The following CEP350 variants were observed in gnomAD, a reference collection of about 807,000 sequenced individuals.
CEP350 encodes centrosome-associated protein 350.
CEP350 carries 126 observed loss-of-function variants against 331.8 expected under a neutral mutation model. The ratio of observed to expected loss-of-function variants is 0.38; its 90% CI spans 0.33 to 0.44. The LOEUF (loss-of-function observed/expected upper bound fraction) is 0.44. CEP350 is among the 20% of genes least tolerant of loss of function. The probability of loss-of-function intolerance (pLI) is 1.00; values close to 1 mark genes in which losing one functional copy is unlikely to be tolerated. For missense variants in CEP350, 3,406 were observed against 3,634.6 expected, an observed-to-expected ratio of 0.94 and a Z score of 1.62; for synonymous variants, 1,200 against 1,259.5, an observed-to-expected ratio of 0.95 and a Z score of 1.00.
chr1:180,030,194 GTTTAAC>G (rs910209741), intron 14 of CEP350, among the ~76,000 whole-genome samples: 7 of 143,444 alleles, frequency 4.9e-5, no homozygotes, highest in African/African-American at 1.3e-4. Flanking sequence ...TATCTTTAAA[GTTTAAC>G]TTTAAATTTT....
At chr1:179,971,513 A>T (rs1370019824) in intron 1 of CEP350, among the ~76,000 whole-genome samples, 1 of 152,030 alleles carries the variant, frequency 6.6e-6, no homozygotes, top group Non-Finnish European at 1.5e-5. Flanking sequence ...TTTTGTGGAC[A>T]CTGGGTCTCA....
intron 17 of CEP350, among the ~76,000 whole-genome samples, chr1:180,039,014 C>A (rs984506565): frequency 6.7e-6 from 1 of 149,970 alleles, no homozygotes; most frequent in Non-Finnish European, 1.5e-5. Flanking sequence ...TTAGGAGTTC[C>A]AAGACCAGCT....
At chr1:180,059,391 T>G (rs548310320) in intron 25 of CEP350, among the ~76,000 whole-genome samples, 1 of 152,372 alleles carries the variant, frequency 6.6e-6, no homozygotes, top group South Asian at 2.1e-4. Flanking sequence ...ACTGTATTGG[T>G]AATTTTCTTA....
chr1:179,977,442 A>G (rs1015770298), intron 1 of CEP350, among the ~76,000 whole-genome samples: 5 of 152,168 alleles, frequency 3.3e-5, no homozygotes, highest in Non-Finnish European at 5.9e-5. Context: ...GGATGAGGGG[A>G]GAGAGATGAG....
At position 180,095,603 on chromosome 1, in the gene CEP350, G is replaced by C. The variant is rs573870576; in HGVS notation, c.8592G>C (p.Leu2864=). The C allele has an allele frequency of 4.1e-5, 66 of 1,613,932 alleles. No homozygotes were observed. The highest frequency in any genetic ancestry group is 2.3e-4 in the South Asian group (21 of 91,084). The change falls in exon 35 of 38, where the codon CTG becomes CTC. Residue 2864 remains leucine, a synonymous_variant. Coordinates refer to ENST00000367607, the MANE Select transcript of CEP350 (RefSeq NM_014810.5). Reference sequence around the variant, plus strand: ...AACTTGAACTCAGCCGGGAGTTCCTGAGCGCGTTAGGAGATGATCAAGACT... The same window carrying C: ...AACTTGAACTCAGCCGGGAGTTCCTCAGCGCGTTAGGAGATGATCAAGACT... ...LAELELSREF[L]SALGDDQDWF...
chr1:179,992,034 T>A (rs759057489), intron 4 of CEP350, 28 bp from the exon 5 acceptor site: 2 of 1,500,720 alleles, frequency 1.3e-6, no homozygotes, highest in South Asian at 2.7e-5. Flanking sequence ...TTATATTATA[T>A]GTTCTCACAG....
In CEP350 at chr1:180,044,038, A is replaced by G. The variant is rs151142627; in HGVS notation, c.4500-13A>G. ...GACTTTGAATGTTTAATCAGTTTTT[A>G]TTTTATTTGTAGGAAAAGTCCATCT... On this transcript the variant is annotated splice_polypyrimidine_tract_variant and intron_variant, in intron 20 of 37. Coordinates refer to ENST00000367607, the MANE Select transcript of CEP350 (RefSeq NM_014810.5). 8.8e-5 allele frequency: 133 copies of G among 1,516,706 alleles called. No homozygotes were observed. The African/African-American group carries it at 1.7e-3, about 20-fold the overall frequency. The allele number at this position is 1,516,706 out of a possible 1,614,324, so 94.0% of individuals were successfully genotyped here.
intron 37 of CEP350, among the ~76,000 whole-genome samples, 198 bp from the exon 38 acceptor site, chr1:180,110,799 A>T (rs1661429956): frequency 6.6e-6 from 1 of 152,188 alleles, no homozygotes. Context: ...TTTTGAAGTC[A>T]TTTTGATATT....
chr1:180,022,033 T>C (rs1302873347), intron 12 of CEP350, among the ~76,000 whole-genome samples: 1 of 152,192 alleles, frequency 6.6e-6, no homozygotes, highest in Admixed American at 6.5e-5. Flanking sequence ...CCCCTCTATA[T>C]AGTGAATGGA....
chr1:180,070,370 A>G (rs1488347719), intron 27 of CEP350, among the ~76,000 whole-genome samples: 1 of 152,326 alleles, frequency 6.6e-6, no homozygotes, highest in East Asian at 1.9e-4. Context: ...CGACAATTAT[A>G]TCAGCTCGGT....
chr1:180,049,683 A>G (rs1357676231), intron 22 of CEP350, among the ~76,000 whole-genome samples: 2 of 151,702 alleles, frequency 1.3e-5, no homozygotes, highest in East Asian at 3.9e-4. Flanking sequence ...AGCTGGGATT[A>G]CAGGCACGCA....
chr1:179,997,206 C>A, intron 6 of CEP350, 31 bp downstream of exon 6: 2 of 1,575,666 alleles, frequency 1.3e-6, no homozygotes, highest in Non-Finnish European at 8.6e-7. Flanking sequence ...TCTTCCTCTC[C>A]CTGCTTCTTT....
rs1010215096 is a variant in CEP350, at chr1:179,990,507, C to G, written c.121C>G (p.Leu41Val). 6.5e-7 allele frequency: 1 copy of G among 1,538,598 alleles called. No homozygotes were observed. Among genetic ancestry groups the G allele is most frequent in the South Asian group, 1.2e-5 (1 of 84,446 alleles). The stretch of plus-strand genomic sequence containing the variant: ...TCTTATGATGGTGTTTAAACTTTAG[C>G]TGAGACACATTGAAAATAAATTAGA... Reference protein sequence around the residue: ...WDALSQTKAALRHIENKLEVA... With the variant: ...WDALSQTKAAVRHIENKLEVA... The change falls in exon 4 of 38, where the codon CTG becomes GTG. Residue 41 changes from leucine (L) to valine (V), a missense_variant and splice_region_variant. By Grantham distance (32) the Leu-to-Val change is conservative (BLOSUM62 1). Around this residue, in one of 5 missense-constraint regions of CEP350, gnomAD observed 1,857 missense variants for 1,909.2 expected, o/e 0.97. Coordinates refer to ENST00000367607, the MANE Select transcript of CEP350 (RefSeq NM_014810.5).
At chr1:180,069,421 A>AAT in intron 27 of CEP350, among the ~76,000 whole-genome samples, 1 of 152,300 alleles carries the variant, frequency 6.6e-6, no homozygotes, top group South Asian at 2.1e-4. Context: ...TATTCCATTA[A>AAT]AGGAGATATT....
At chr1:179,991,234 T>C (rs2501617) in intron 4 of CEP350, among the ~76,000 whole-genome samples, 85,821 of 151,130 alleles carry the variant, frequency 0.57, 26,200 homozygotes, top group East Asian at 0.71. Context: ...CTCTTTCATA[T>C]GGTGACTGTC....
intron 1 of CEP350, among the ~76,000 whole-genome samples, chr1:179,960,804 C>T (rs576105606): frequency 1.3e-5 from 2 of 152,042 alleles, no homozygotes; most frequent in Admixed American, 6.6e-5. Context: ...TCAATTTATA[C>T]ATATTTATTT....
chr1:180,018,726 T>C (rs1655126030), intron 11 of CEP350, among the ~76,000 whole-genome samples: 2 of 152,316 alleles, frequency 1.3e-5, no homozygotes, highest in Admixed American at 1.3e-4. Flanking sequence ...CATAATTTGG[T>C]CATTTGTTGG....
chr1:180,106,394 C>G (rs1166776689), intron 37 of CEP350, among the ~76,000 whole-genome samples: 1 of 152,148 alleles, frequency 6.6e-6, no homozygotes, highest in Non-Finnish European at 1.5e-5. Flanking sequence ...TTAATTTTTT[C>G]TACACCCTTT....
At position 180,094,628 on chromosome 1, in the gene CEP350, G is replaced by T; in HGVS notation, c.8511+12G>T. On this transcript the variant is annotated intron_variant, in intron 34 of 37. Coordinates refer to ENST00000367607, the MANE Select transcript of CEP350 (RefSeq NM_014810.5). ...TGTGTCCCAGACCGGTGAGTATTTC[G>T]TCTAGAAAAAGTATCAGTATACCTT... 1 of 1,602,292 alleles carries T rather than the reference G, an allele frequency of 6.2e-7. No individual in the cohort carries two copies. Among genetic ancestry groups the T allele is most frequent in the Non-Finnish European group, 8.5e-7 (1 of 1,175,436 alleles).
Sources: gnomAD v4.1 joint callset for allele counts (sites outside exome capture counted in the v4.1 genomes callset) on GRCh38, gnomAD v4.1.1 for gene constraint, gnomAD v4.1.1 regional missense constraint, MANE v1.5 for transcripts, NCBI Gene and HGNC (gene_info 2026-07-23, HGNC 2026-07-21) for gene names.